Variants in KLHL32 observed in about 807,000 individuals in gnomAD.
KLHL32 encodes the protein kelch-like protein 32.
In KLHL32, 35 loss-of-function variants were observed where a neutral mutation model predicts 64.8. That is an observed-to-expected ratio of 0.54 (90% CI 0.41 to 0.72). The LOEUF is 0.72. Ranked by LOEUF, KLHL32 falls within the 30% of genes least tolerant of loss-of-function variation. The pLI, the probability that KLHL32 is intolerant of heterozygous loss-of-function variation, is 0.00. For missense variants in KLHL32, 589 were observed against 768.5 expected (o/e 0.77, Z 2.76); for synonymous variants, 259 against 281.0 (o/e 0.92, Z 0.78).
intron 10 of KLHL32, among the ~76,000 whole-genome samples, chr6:97,133,174 C>T (rs1185420055): frequency 1.3e-5 from 2 of 152,188 alleles, no homozygotes; most frequent in Non-Finnish European, 2.9e-5. Context: ...GTTCTTCCTT[C>T]ACGGCAGAGG....
chr6:97,061,736 T>A (rs1788946257), intron 4 of KLHL32, among the ~76,000 whole-genome samples: 1 of 152,198 alleles, frequency 6.6e-6, no homozygotes, highest in Non-Finnish European at 1.5e-5. Context: ...CCTTTTTTTC[T>A]GCAGAGGTTG....
At chr6:96,998,474 A>G (rs1778654388) in intron 3 of KLHL32, among the ~76,000 whole-genome samples, 1 of 152,240 alleles carries the variant, frequency 6.6e-6, no homozygotes, top group Non-Finnish European at 1.5e-5. Context: ...GTCCTTTAAT[A>G]CATATAGTGA....
chr6:96,969,163 G>A (rs1316021887), intron 2 of KLHL32, among the ~76,000 whole-genome samples: 1 of 152,008 alleles, frequency 6.6e-6, no homozygotes, highest in Non-Finnish European at 1.5e-5. Flanking sequence ...ATGGTCCTTG[G>A]ACCCTCAATC....
intron 1 of KLHL32, among the ~76,000 whole-genome samples, chr6:96,943,036 T>TACACACAC (rs113696398): frequency 0.13 from 19,579 of 146,234 alleles, 1,691 homozygotes; most frequent in Non-Finnish European, 0.21. Context: ...ATGCTCCCTC[T>TACACACAC]ACACACACAC....
chr6:97,111,033 G>GTT (rs373739395), intron 6 of KLHL32, among the ~76,000 whole-genome samples: 3 of 151,066 alleles, frequency 2.0e-5, no homozygotes, highest in African/African-American at 7.4e-5. Flanking sequence ...AAAGTCTTGG[G>GTT]GGGGGGGGGT....
chr6:96,904,088 C>T, the KLHL32 span, among the ~76,000 whole-genome samples: 1 of 152,072 alleles, frequency 6.6e-6, no homozygotes, highest in South Asian at 2.1e-4. Flanking sequence ...CACCCGTAAT[C>T]CCAGCACTTT....
chr6:96,958,894 T>C (rs1660948001), intron 1 of KLHL32, among the ~76,000 whole-genome samples: 1 of 152,058 alleles, frequency 6.6e-6, no homozygotes, highest in Non-Finnish European at 1.5e-5. Context: ...GCCTCAGGGA[T>C]GGAGTGTTGG....
chr6:97,056,096 C>CTTTTTTTTTTTTTTTTTTT (rs1193971196), intron 4 of KLHL32, among the ~76,000 whole-genome samples: 14 of 123,800 alleles, frequency 1.1e-4, no homozygotes, highest in African/African-American at 4.3e-4. Context: ...CTTTTTTTTT[C>CTTTTTTTTTTTTTTTTTTT]TTTTTTTTTC....
chr6:96,934,606 C>T (rs567141579), intron 1 of KLHL32, among the ~76,000 whole-genome samples: 1 of 152,360 alleles, frequency 6.6e-6, no homozygotes, highest in Admixed American at 6.5e-5. Context: ...ACTACTGAAA[C>T]AGAGGTTATC....
intron 2 of KLHL32, among the ~76,000 whole-genome samples, chr6:96,972,561 G>A (rs1348010963): frequency 6.6e-6 from 1 of 152,178 alleles, no homozygotes; most frequent in Non-Finnish European, 1.5e-5. Flanking sequence ...GAATTTTGAG[G>A]TGGCAACATG....
the KLHL32 span, among the ~76,000 whole-genome samples, chr6:96,903,799 G>A: frequency 6.6e-6 from 1 of 152,162 alleles, no homozygotes; most frequent in Non-Finnish European, 1.5e-5. Flanking sequence ...ACAGGGAATA[G>A]AAGAAAACTG....
At chr6:97,010,126 C>CAAAA (rs57115555) in intron 3 of KLHL32, 13 of 86,980 alleles carry the variant, frequency 1.5e-4, no homozygotes, top group Admixed American at 2.1e-4. Context: ...ACTGATTTGA[C>CAAAA]AAAAAAAAAA....
At chr6:96,934,652 G>C (rs556020616) in intron 1 of KLHL32, among the ~76,000 whole-genome samples, 1 of 152,204 alleles carries the variant, frequency 6.6e-6, no homozygotes, top group Non-Finnish European at 1.5e-5. Flanking sequence ...CTAATTAGGC[G>C]GATTGCTGCA....
At chr6:97,069,581 T>A (rs998104391) in intron 5 of KLHL32, among the ~76,000 whole-genome samples, 2 of 152,070 alleles carry the variant, frequency 1.3e-5, no homozygotes, top group Non-Finnish European at 2.9e-5. Context: ...CACCTCCAGT[T>A]ACACTGTGGG....
intron 4 of KLHL32, among the ~76,000 whole-genome samples, chr6:97,058,934 G>A (rs777183420): frequency 9.9e-5 from 15 of 152,204 alleles, no homozygotes; most frequent in African/African-American, 1.4e-4. Flanking sequence ...TGATACACAA[G>A]CATTCTTTTG....
At chr6:96,898,117 T>C in the KLHL32 span, among the ~76,000 whole-genome samples, 211 of 152,308 alleles carry the variant, frequency 1.4e-3, no homozygotes, top group African/African-American at 4.4e-3. Context: ...CCCGGGAAGC[T>C]CTGTAAAGTT....
rs10223388 is a variant in KLHL32 at position 97,028,281 on chromosome 6, T to A, written c.205-13211T>A. On this transcript the variant is annotated intron_variant, in intron 3 of 10. Coordinates refer to ENST00000369261, the MANE Select transcript of KLHL32 (RefSeq NM_052904.4). Reference sequence around the variant, plus strand: ...GCTATTCCAGGGACCACACCTTAAGTAGGGAAGGGCCAGTGATCTCTAAAG... The same window carrying A: ...GCTATTCCAGGGACCACACCTTAAGAAGGGAAGGGCCAGTGATCTCTAAAG... 6.1e-3 allele frequency among the ~76,000 whole-genome samples: 932 copies of A among 152,220 alleles called. 14 individuals are homozygous for A. The highest frequency in any genetic ancestry group is 0.021 in the African/African-American group (881 of 41,538).
the KLHL32 span, among the ~76,000 whole-genome samples, chr6:96,907,812 C>T: frequency 6.6e-6 from 1 of 152,192 alleles, no homozygotes; most frequent in Non-Finnish European, 1.5e-5. Context: ...AACAGCTTCC[C>T]ATCCCTGCTC....
At position 97,139,290 on chromosome 6, in the gene KLHL32, A is replaced by G; in HGVS notation, c.*8A>G. The G allele has an allele frequency of 6.2e-7, 1 of 1,611,120 alleles. No homozygotes were observed. The highest frequency in any genetic ancestry group is 8.5e-7 in the Non-Finnish European group (1 of 1,178,224). ...AGGATTGGCACCATCTGAAAAGCCA[A>G]GCCATCATGAACAGGAGGAAAACAT... On this transcript the variant is annotated 3_prime_UTR_variant, in exon 11 of 11. Transcript: ENST00000369261.
Sources: allele counts gnomAD v4.1 joint callset (sites outside exome capture counted in the v4.1 genomes callset), GRCh38; gene constraint gnomAD v4.1.1; transcripts MANE v1.5; gene names NCBI Gene and HGNC (gene_info 2026-07-23, HGNC 2026-07-21).